STXBP6: variants seen among roughly 807,000 people sequenced by gnomAD.
The protein encoded by STXBP6 is syntaxin-binding protein 6.
STXBP6 carries 21 observed loss-of-function variants against 26.9 expected under a neutral mutation model. The ratio of observed to expected loss-of-function variants is 0.78; its 90% CI spans 0.55 to 1.12. STXBP6 has a LOEUF of 1.12. Among genes scored for constraint, STXBP6 ranks in the 50% most tolerant of loss-of-function variants. The pLI, the probability that STXBP6 is intolerant of heterozygous loss-of-function variation, is 0.00. For missense variants in STXBP6, 232 were observed against 257.9 expected (o/e 0.90, Z 0.69); for synonymous variants, 97 against 92.6 (o/e 1.05, Z -0.27).
intron 2 of STXBP6, among the ~76,000 whole-genome samples, chr14:24,873,452 A>T (rs772398916): frequency 3.3e-5 from 5 of 152,196 alleles, no homozygotes; most frequent in Non-Finnish European, 7.3e-5. Context: ...ATGAACACAC[A>T]GCATAGTCAC....
chr14:24,841,060 A>T (rs2068769382), intron 4 of STXBP6, among the ~76,000 whole-genome samples: 1 of 152,224 alleles, frequency 6.6e-6, no homozygotes, highest in Non-Finnish European at 1.5e-5. Flanking sequence ...CAATCGTTAC[A>T]GTTTCTTACA....
chr14:25,027,827 A>G (rs1480511935), intron 1 of STXBP6, among the ~76,000 whole-genome samples: 1 of 152,256 alleles, frequency 6.6e-6, no homozygotes, highest in Non-Finnish European at 1.5e-5. Flanking sequence ...ATGCATGAAT[A>G]AGAAAGAAAA....
At chr14:24,828,377 T>TCTTAATG (rs1368179091) in intron 4 of STXBP6, among the ~76,000 whole-genome samples, 1 of 152,184 alleles carries the variant, frequency 6.6e-6, no homozygotes, top group East Asian at 1.9e-4. Context: ...AGCCATAATT[T>TCTTAATG]CTTAATGATA....
chr14:24,970,218 G>A (rs562180540), intron 2 of STXBP6, among the ~76,000 whole-genome samples: 2 of 150,832 alleles, frequency 1.3e-5, no homozygotes, highest in South Asian at 4.2e-4. Flanking sequence ...TCCAGCCTGG[G>A]CAACAGAACG....
intron 2 of STXBP6, among the ~76,000 whole-genome samples, chr14:24,906,488 T>C (rs2071391364): frequency 6.6e-6 from 1 of 152,156 alleles, no homozygotes; most frequent in Non-Finnish European, 1.5e-5. Context: ...GCTTCCTATG[T>C]TTGGGGAATT....
chr14:24,942,257 T>C (rs960896835), intron 2 of STXBP6, among the ~76,000 whole-genome samples: 7 of 152,170 alleles, frequency 4.6e-5, no homozygotes, highest in Middle Eastern at 3.2e-3. Flanking sequence ...ATAAAAATGA[T>C]ATCAAGGGAC....
At chr14:24,989,162 C>G (rs999198962) in intron 1 of STXBP6, among the ~76,000 whole-genome samples, 1 of 152,218 alleles carries the variant, frequency 6.6e-6, no homozygotes, top group Non-Finnish European at 1.5e-5. Flanking sequence ...GACCCCACTA[C>G]TCCCTATTCC....
intron 1 of STXBP6, among the ~76,000 whole-genome samples, chr14:25,019,865 T>TG (rs1021099976): frequency 7.2e-6 from 1 of 139,236 alleles, no homozygotes; most frequent in African/African-American, 2.8e-5. Context: ...ACAAGTTTCG[T>TG]GGGTTTTTTT....
chr14:24,907,925 C>T (rs142075774), intron 2 of STXBP6, among the ~76,000 whole-genome samples: 4 of 152,174 alleles, frequency 2.6e-5, no homozygotes, highest in Admixed American at 2.0e-4. Flanking sequence ...CTTAACCATC[C>T]AGAGCATCAC....
chr14:24,823,468 TAATTC>T (rs758747390), intron 4 of STXBP6, among the ~76,000 whole-genome samples: 8 of 152,198 alleles, frequency 5.3e-5, no homozygotes, highest in Non-Finnish European at 1.2e-4. Flanking sequence ...TTAAAATCCT[TAATTC>T]TATTGCTAGT....
intron 4 of STXBP6, among the ~76,000 whole-genome samples, chr14:24,837,588 T>G (rs1056737584): frequency 2.6e-5 from 4 of 152,180 alleles, no homozygotes; most frequent in Non-Finnish European, 4.4e-5. Flanking sequence ...GTCCCAGGAC[T>G]TTGGGGCTGA....
chr14:25,014,921 T>C (rs1197148491), intron 1 of STXBP6, among the ~76,000 whole-genome samples: 1 of 152,208 alleles, frequency 6.6e-6, no homozygotes, highest in African/African-American at 2.4e-5. Context: ...ATCTCCCAAA[T>C]TTTCTGTAAT....
intron 4 of STXBP6, among the ~76,000 whole-genome samples, chr14:24,851,622 T>G (rs1446604761): frequency 1.3e-5 from 2 of 152,136 alleles, no homozygotes; most frequent in Non-Finnish European, 2.9e-5. Flanking sequence ...AGTACAAATG[T>G]GTCATCACAC....
At chr14:25,020,905 ACAACTGTG>A (rs1268353904) in intron 1 of STXBP6, among the ~76,000 whole-genome samples, 2 of 152,098 alleles carry the variant, frequency 1.3e-5, no homozygotes, top group African/African-American at 4.8e-5. Context: ...GTCTGTGTCT[ACAACTGTG>A]CACCTGGACA....
chr14:25,022,852 C>T (rs530112252), intron 1 of STXBP6, among the ~76,000 whole-genome samples: 20 of 152,264 alleles, frequency 1.3e-4, no homozygotes, highest in Admixed American at 5.9e-4. Flanking sequence ...TTGGATGCCT[C>T]AAACTCATCT....
In STXBP6 at chr14:24,913,169, T is replaced by C. The variant is rs559930424; in HGVS notation, c.155-56012A>G. Among the ~76,000 whole-genome samples, 8 of 152,222 alleles carry C rather than the reference T, an allele frequency of 5.3e-5. No individual in the cohort carries two copies. In the South Asian group the frequency reaches 1.2e-3, roughly 24 times the overall value. On this transcript the variant is annotated intron_variant, in intron 2 of 5. Coordinates refer to ENST00000323944, the MANE Select transcript of STXBP6 (RefSeq NM_001394410.1). ...CCACTGAGGGGATTCCAACAAAAAG[T>C]AGCAGCTCAATAGTTATGGTCACAC...
At chr14:24,980,245 A>C (rs138312132) in intron 1 of STXBP6, among the ~76,000 whole-genome samples, 5 of 152,352 alleles carry the variant, frequency 3.3e-5, no homozygotes, top group African/African-American at 1.2e-4. Context: ...TTCTGATGTC[A>C]TATATTAAGA....
rs936084989 is a variant in STXBP6 at position 24,976,848 on chromosome 14, C to T, written c.-32-1998G>A. On this transcript the variant is annotated intron_variant, in intron 1 of 5. Transcript: ENST00000323944. ...AAGCCAAAGTCCTGAGCTGACTGGG[C>T]GCTCTTTTTTTTTTTTTTTTTTTTT... 6.0e-4 allele frequency among the ~76,000 whole-genome samples: 50 copies of T among 83,630 alleles called. 1 individual carries two copies. Among genetic ancestry groups the T allele is most frequent in the East Asian group, 7.5e-4 (2 of 2,658 alleles). 54.9% of individuals were successfully genotyped at this position (83,630 alleles called of 152,430 possible). A position where few individuals can be genotyped will look rare whatever the true frequency, so the allele number is the denominator to read the frequency against.
intron 2 of STXBP6, among the ~76,000 whole-genome samples, chr14:24,865,895 G>C (rs1337711346): frequency 1.3e-5 from 2 of 152,172 alleles, no homozygotes; most frequent in African/African-American, 4.8e-5. Context: ...TATACATGAA[G>C]TAGTGTATTA....
Sources: allele counts gnomAD v4.1 joint callset (sites outside exome capture counted in the v4.1 genomes callset), GRCh38; gene constraint gnomAD v4.1.1; transcripts MANE v1.5; gene names NCBI Gene and HGNC (gene_info 2026-07-23, HGNC 2026-07-21).